CDK14: variants seen among roughly 807,000 people sequenced by gnomAD.
CDK14 encodes the protein cyclin-dependent kinase 14.
Under a neutral mutation model 60.7 loss-of-function variants are expected in CDK14, and 34 were observed. The ratio of observed to expected loss-of-function variants is 0.56; its 90% CI spans 0.43 to 0.75. The LOEUF (loss-of-function observed/expected upper bound fraction) is 0.75. Among genes scored for constraint, CDK14 ranks in the 30% least tolerant of loss-of-function variants. The pLI, the probability that CDK14 is intolerant of heterozygous loss-of-function variation, is 0.00. For synonymous variants in CDK14, 197 were observed against 203.7 expected, an observed-to-expected ratio of 0.97 and a Z score of 0.28; for missense variants, 482 against 564.1, an observed-to-expected ratio of 0.85 and a Z score of 1.47.
chr7:90,645,275 T>G lies in CDK14; in HGVS notation c.123+41026T>G, dbSNP rs143879920. On this transcript the variant is annotated intron_variant, in intron 2 of 14. Transcript: ENST00000380050. ...TTTTCAGGTATTAATATTTTGATTA[T>G]GGAAACGGACTTTGGGCCTATGCTT... Among the ~76,000 whole-genome samples, 223 of 152,316 alleles carry G rather than the reference T, an allele frequency of 1.5e-3. 3 individuals carry two copies. The highest frequency in any genetic ancestry group is 0.013 in the Admixed American group (201 of 15,296).
chr7:90,866,279 T>A (rs1562804137), intron 6 of CDK14, among the ~76,000 whole-genome samples: 1 of 136,738 alleles, frequency 7.3e-6, no homozygotes, highest in Non-Finnish European at 1.6e-5. Context: ...CACACAGAAC[T>A]TTGTTAGCAA....
chr7:90,906,628 A>G (rs928364635), intron 7 of CDK14, among the ~76,000 whole-genome samples: 5 of 152,008 alleles, frequency 3.3e-5, no homozygotes, highest in Admixed American at 1.3e-4. Flanking sequence ...TTCTTTGTTG[A>G]TATTTTGTAT....
chr7:91,151,818 G>A (rs1338576584), intron 14 of CDK14, among the ~76,000 whole-genome samples: 1 of 152,128 alleles, frequency 6.6e-6, no homozygotes, highest in Non-Finnish European at 1.5e-5. Flanking sequence ...TCACTAAGAT[G>A]GAGAAAGGAG....
At chr7:91,116,525 G>A (rs766621034) in intron 13 of CDK14, among the ~76,000 whole-genome samples, 4 of 152,126 alleles carry the variant, frequency 2.6e-5, no homozygotes, top group Admixed American at 6.5e-5. Flanking sequence ...TATATGTTCT[G>A]TATATCATCC....
chr7:91,106,418 T>G (rs1799296983), intron 12 of CDK14, among the ~76,000 whole-genome samples: 1 of 152,156 alleles, frequency 6.6e-6, no homozygotes, highest in African/African-American at 2.4e-5. Context: ...CTGCTATCAT[T>G]TGTATTTCTG....
intron 8 of CDK14, among the ~76,000 whole-genome samples, chr7:90,941,909 C>T (rs773590500): frequency 6.6e-6 from 1 of 152,244 alleles, no homozygotes; most frequent in African/African-American, 2.4e-5. Context: ...TCCCTGGTGT[C>T]TTCCACTGCA....
intron 5 of CDK14, among the ~76,000 whole-genome samples, chr7:90,853,924 G>A (rs778940892): frequency 3.9e-5 from 6 of 152,144 alleles, no homozygotes; most frequent in Non-Finnish European, 8.8e-5. Context: ...TGTTGCGAAT[G>A]GTGAATGGTC....
At chr7:90,853,435 C>A (rs1790714126) in intron 5 of CDK14, among the ~76,000 whole-genome samples, 1 of 151,966 alleles carries the variant, frequency 6.6e-6, no homozygotes, top group African/African-American at 2.4e-5. Context: ...ACACTAGATA[C>A]ATGAACTGAG....
chr7:90,924,512 A>G (rs927598681), intron 8 of CDK14, among the ~76,000 whole-genome samples: 1 of 152,216 alleles, frequency 6.6e-6, no homozygotes, highest in Non-Finnish European at 1.5e-5. Context: ...TAAAAAGCTC[A>G]TGTTAAAATT....
intron 4 of CDK14, among the ~76,000 whole-genome samples, chr7:90,759,143 A>G (rs754799420): frequency 1.3e-5 from 2 of 151,986 alleles, no homozygotes; most frequent in African/African-American, 2.4e-5. Context: ...GATGTTGACT[A>G]AAGTATTTTA....
chr7:91,077,743 TACACACACACAC>T (rs36101608), intron 11 of CDK14, among the ~76,000 whole-genome samples: 3 of 148,720 alleles, frequency 2.0e-5, no homozygotes, highest in South Asian at 2.2e-4. Context: ...TTCACTTTTA[TACACACACACAC>T]ACACACACAC....
intron 7 of CDK14, among the ~76,000 whole-genome samples, chr7:90,909,164 G>A (rs1792809275): frequency 6.6e-6 from 1 of 152,114 alleles, no homozygotes; most frequent in African/African-American, 2.4e-5. Context: ...TCCCAATTTG[G>A]ATTTTGTGCT....
intron 2 of CDK14, among the ~76,000 whole-genome samples, chr7:90,672,848 TG>T (rs1413697294): frequency 6.6e-6 from 1 of 152,118 alleles, no homozygotes; most frequent in Non-Finnish European, 1.5e-5. Flanking sequence ...ATCTAGTTGA[TG>T]GGCATTTGGG....
At chr7:90,616,445 G>C (rs549252841) in intron 2 of CDK14, among the ~76,000 whole-genome samples, 5 of 152,262 alleles carry the variant, frequency 3.3e-5, no homozygotes, top group South Asian at 4.1e-4. Context: ...ATATGATGGA[G>C]AATGTCCTGC....
intron 12 of CDK14, among the ~76,000 whole-genome samples, chr7:91,090,364 G>A (rs74597998): frequency 0.019 from 2,842 of 152,280 alleles, 33 homozygotes; most frequent in Admixed American, 0.027. Flanking sequence ...GCATTGACAA[G>A]AATGTTCGCT....
chr7:91,047,641 C>T (rs1797276453), intron 11 of CDK14, among the ~76,000 whole-genome samples: 2 of 152,156 alleles, frequency 1.3e-5, no homozygotes, highest in Non-Finnish European at 2.9e-5. Context: ...AGCCCCACAA[C>T]AGACACATAA....
At chr7:90,651,717 C>T (rs769809484) in intron 2 of CDK14, among the ~76,000 whole-genome samples, 1 of 151,996 alleles carries the variant, frequency 6.6e-6, no homozygotes, top group Non-Finnish European at 1.5e-5. Flanking sequence ...TCTTCTCCAT[C>T]TGGTCCTTTG....
Position 90,699,323 on chromosome 7 carries a change from C to T in CDK14, c.124-27244C>T, listed in dbSNP as rs184795562. On this transcript the variant is annotated intron_variant, in intron 2 of 14. Coordinates refer to ENST00000380050, the MANE Select transcript of CDK14 (RefSeq NM_001287135.2). ...TCTGTGGTTCCTAACAGCTTAGTGC[C>T]TGATCACACTTAAACATACATTATG... Among the ~76,000 whole-genome samples the T allele has an allele frequency of 4.6e-5, 7 of 152,328 alleles. No individual in the cohort carries two copies. The East Asian group carries it at 1.4e-3, about 29-fold the overall frequency.
At position 91,170,885 on chromosome 7, in the gene CDK14, G is replaced by A. The variant is rs551518294; in HGVS notation, c.*29-36280G>A. ...GGGTTCAAGTGATTCTTCTGCCTCAGCCTCCTAAGTAGCTGGGACTACAGG... is the reference window on the plus strand; with the variant it reads ...GGGTTCAAGTGATTCTTCTGCCTCAACCTCCTAAGTAGCTGGGACTACAGG... On this transcript the variant is annotated intron_variant, in intron 14 of 14. Coordinates refer to ENST00000380050, the MANE Select transcript of CDK14 (RefSeq NM_001287135.2). 2.7e-5 allele frequency among the ~76,000 whole-genome samples: 4 copies of A among 150,016 alleles called. No homozygotes were observed. The East Asian group carries it at 6.2e-4, about 23-fold the overall frequency.
Sources: allele counts gnomAD v4.1 joint callset (sites outside exome capture counted in the v4.1 genomes callset), GRCh38; gene constraint gnomAD v4.1.1; transcripts MANE v1.5; gene names NCBI Gene and HGNC (gene_info 2026-07-23, HGNC 2026-07-21).